Variants in DCST2 observed in about 807,000 individuals in gnomAD.
DCST2 encodes the protein DC-STAMP domain containing 2.
DCST2 carries 64 observed loss-of-function variants against 81.8 expected under a neutral mutation model. The observed-to-expected ratio is 0.78, with a 90% CI of 0.64 to 0.96. The LOEUF (loss-of-function observed/expected upper bound fraction) is 0.96. DCST2 is among the 40% of genes least tolerant of loss of function. DCST2 has a pLI of 0.00. For missense variants in DCST2, 945 were observed against 1,001.4 expected, an observed-to-expected ratio of 0.94 and a Z score of 0.76; for synonymous variants, 354 against 402.6, an observed-to-expected ratio of 0.88 and a Z score of 1.44.
Position 155,026,586 on chromosome 1 carries a change from CGAA to C in DCST2, c.1469_1471del (p.Leu490del), listed in dbSNP as rs1659917950. ...GCCAGTGCTGTCAGGCTCCGAGGGACGAAGGAGACAACGCCGGGACAAAATACT... is the reference window on the plus strand; with the variant it reads ...GCCAGTGCTGTCAGGCTCCGAGGGACGGAGACAACGCCGGGACAAAATACT... On this transcript the variant is annotated inframe_deletion, in exon 9 of 15. Coordinates refer to ENST00000368424, the MANE Select transcript of DCST2 (RefSeq NM_144622.3). 1.2e-6 allele frequency: 2 copies of C among 1,614,160 alleles called. No individual in the cohort carries two copies. Among genetic ancestry groups the C allele is most frequent in the African/African-American group, 2.7e-5 (2 of 75,034 alleles).
At chr1:155,027,905 ATTTATTTTAT>A (rs369507427) in intron 8 of DCST2, among the ~76,000 whole-genome samples, 18 of 149,502 alleles carry the variant, frequency 1.2e-4, no homozygotes, top group South Asian at 2.1e-4. Flanking sequence ...GACACACATA[ATTTATTTTAT>A]TTTATTTTAT....
At chr1:155,030,376 G>A (rs749207498) in intron 6 of DCST2, 56 bp downstream of exon 6, 80 of 1,598,364 alleles carry the variant, frequency 5.0e-5, no homozygotes, top group Admixed American at 1.7e-4. Context: ...GCTCCCTGCA[G>A]CCCTGGCCCT....
intron 14 of DCST2, among the ~76,000 whole-genome samples, chr1:155,020,609 T>C (rs4845702): frequency 0.71 from 107,877 of 151,872 alleles, 38,604 homozygotes; most frequent in East Asian, 0.96. Context: ...TCAAGTGATC[T>C]GCCCGCCTCA....
chr1:155,030,894 T>C (rs368994334), intron 5 of DCST2: 13 of 605,636 alleles, frequency 2.1e-5, no homozygotes, highest in African/African-American at 2.0e-4. Context: ...ATGATCTTGA[T>C]GACCTGAGTG....
At chr1:155,029,720 T>C (rs983227641) in intron 7 of DCST2, among the ~76,000 whole-genome samples, 4 of 151,990 alleles carry the variant, frequency 2.6e-5, no homozygotes, top group Admixed American at 1.3e-4. Context: ...TCCCCCTCCA[T>C]ATTAGCACTT....
intron 14 of DCST2, among the ~76,000 whole-genome samples, chr1:155,020,348 C>T (rs1218231868): frequency 6.6e-6 from 1 of 152,152 alleles, no homozygotes; most frequent in East Asian, 1.9e-4. Context: ...GCAGGAGCCA[C>T]ATACCATATT....
chr1:155,030,283 C>G (rs1415662745), intron 6 of DCST2, 42 bp from the exon 7 acceptor site: 1 of 1,612,542 alleles, frequency 6.2e-7, no homozygotes, highest in South Asian at 1.1e-5. Flanking sequence ...CCCTTAGGAC[C>G]CCAGGCCAGA....
chr1:155,031,875 G>A, intron 3 of DCST2, 104 bp from the exon 4 acceptor site: 5 of 1,223,960 alleles, frequency 4.1e-6, no homozygotes, highest in Non-Finnish European at 5.7e-6. Context: ...GAGGCCTGTG[G>A]TCAGGGACCT....
chr1:155,026,520 C>A (rs763305094), intron 9 of DCST2, 28 bp downstream of exon 9: 1 of 1,613,564 alleles, frequency 6.2e-7, no homozygotes, highest in South Asian at 1.1e-5. Context: ...TGTCCACGCC[C>A]CCAGGGACCT....
chr1:155,028,172 C>T (rs535807539), intron 8 of DCST2, among the ~76,000 whole-genome samples: 3 of 151,692 alleles, frequency 2.0e-5, no homozygotes, highest in South Asian at 4.2e-4. Flanking sequence ...GTGATCTACC[C>T]GCCTCATCCT....
In DCST2 at chr1:155,018,720, C is replaced by G. The variant is rs370200297; in HGVS notation, c.2146G>C (p.Gly716Arg). The change falls in exon 15 of 15, where the codon GGG becomes CGG. Residue 716 changes from glycine (G) to arginine (R), a missense_variant. Transcript: ENST00000368424. ...TGGGCTTCAGGTAAGGGCTGCTGCC[C>G]GTGCTTCCTCTGCTGAGGCCCCTTC... ...EEKGPQQRKH[G>R]QQPLPEAHQP... The G allele has an allele frequency of 6.2e-7, 1 of 1,613,566 alleles. No individual in the cohort carries two copies. Among genetic ancestry groups the G allele is most frequent in the Non-Finnish European group, 8.5e-7 (1 of 1,179,956 alleles).
chr1:155,031,515 T>TCCCAC (rs1174882949), intron 4 of DCST2, 59 bp downstream of exon 4: 4 of 643,392 alleles, frequency 6.2e-6, no homozygotes, highest in East Asian at 3.4e-5. Context: ...ACCCCCACAT[T>TCCCAC]CCCACCCCAC....
chr1:155,029,302 G>C lies in DCST2; in HGVS notation c.1273C>G (p.Leu425Val). 6.2e-7 allele frequency: 1 copy of C among 1,614,120 alleles called. No individual in the cohort carries two copies. Among genetic ancestry groups the C allele is most frequent in the Non-Finnish European group, 8.5e-7 (1 of 1,180,014 alleles). Reference sequence around the variant, plus strand: ...AGCACCCAGAAGACAGCATAGTCTAGGAAGACTAGGAACAGCACGAGGAGG... The same window carrying C: ...AGCACCCAGAAGACAGCATAGTCTACGAAGACTAGGAACAGCACGAGGAGG... ...HLLLVLFLVF[L>V]DYAVFWVLDL... The change falls in exon 8 of 15, where the codon CTA becomes GTA. Residue 425 changes from leucine to valine, a missense_variant. Coordinates refer to ENST00000368424, the MANE Select transcript of DCST2 (RefSeq NM_144622.3).
chr1:155,031,439 C>A, intron 4 of DCST2, 135 bp downstream of exon 4: 1 of 993,430 alleles, frequency 1.0e-6, no homozygotes, highest in Non-Finnish European at 1.5e-6. Context: ...AATACTGGTC[C>A]TACCAAGCTT....
At chr1:155,027,198 ATTT>A (rs900841532) in intron 8 of DCST2, among the ~76,000 whole-genome samples, 33 of 94,216 alleles carry the variant, frequency 3.5e-4, no homozygotes, top group African/African-American at 1.3e-3. Flanking sequence ...ACGACCGGCT[ATTT>A]TTTTTTTTTT....
chr1:155,031,650 C>T lies in DCST2; in HGVS notation c.663G>A (p.Met221Ile), dbSNP rs772014989. ...RVFDDAKDSC[M>I]MVIPQAYHLC... ...GGTGGTAGGCTTGTGGTATGACCAT[C>T]ATGCAGCTGTCCTTGGCATCATCGA... Residue 221 changes from methionine to isoleucine, a missense_variant, in exon 4 of 15, where the codon ATG (methionine) becomes ATA (isoleucine). By Grantham distance (10) the Met-to-Ile change is conservative. Coordinates refer to ENST00000368424, the MANE Select transcript of DCST2 (RefSeq NM_144622.3). 6.2e-7 allele frequency: 1 copy of T among 1,614,132 alleles called. No individual in the cohort carries two copies. Among genetic ancestry groups the T allele is most frequent in the Non-Finnish European group, 8.5e-7 (1 of 1,180,036 alleles).
intron 14 of DCST2, among the ~76,000 whole-genome samples, chr1:155,020,971 C>T (rs1489650140): frequency 5.9e-5 from 9 of 151,654 alleles, no homozygotes; most frequent in South Asian, 2.1e-4. Context: ...TAAAGATGCA[C>T]GCCACCATGC....
At chr1:155,026,515 A>C in intron 9 of DCST2, 33 bp downstream of exon 9, 1 of 1,613,066 alleles carries the variant, frequency 6.2e-7, no homozygotes, top group Non-Finnish European at 8.5e-7. Context: ...CATGGTGTCC[A>C]CGCCCCCAGG....
At chr1:155,024,762 G>A (rs1659852772) in intron 10 of DCST2, among the ~76,000 whole-genome samples, 160 bp from the exon 11 acceptor site, 4 of 152,164 alleles carry the variant, frequency 2.6e-5, no homozygotes, top group Admixed American at 2.0e-4. Flanking sequence ...TTCTGGACTT[G>A]CCCAGGTGGA....
Sources: gnomAD v4.1 joint callset for allele counts (sites outside exome capture counted in the v4.1 genomes callset) on GRCh38, gnomAD v4.1.1 for gene constraint, MANE v1.5 for transcripts, NCBI Gene and HGNC (gene_info 2026-07-23, HGNC 2026-07-21) for gene names.